RFX3: variants seen among roughly 807,000 people sequenced by gnomAD.
RFX3 encodes the protein transcription factor RFX3.
Under a neutral mutation model 98.6 loss-of-function variants are expected in RFX3, and 14 were observed. The observed-to-expected ratio is 0.14, with a 90% CI of 0.09 to 0.22. RFX3 has a LOEUF of 0.22. RFX3 is among the 10% of genes least tolerant of loss of function. The pLI is 1.00. For synonymous variants in RFX3, 383 were observed against 328.4 expected, an observed-to-expected ratio of 1.17 and a Z score of -1.80; for missense variants, 639 against 926.9, an observed-to-expected ratio of 0.69 and a Z score of 4.03.
chr9:3,421,676 C>G (rs2132353952), intron 1 of RFX3, among the ~76,000 whole-genome samples: 1 of 152,218 alleles, frequency 6.6e-6, no homozygotes, highest in South Asian at 2.1e-4. Context: ...ATGGACAAAT[C>G]AAAGCATGGA....
At chr9:3,414,958 GTA>G (rs1219549238) in intron 1 of RFX3, among the ~76,000 whole-genome samples, 1 of 129,888 alleles carries the variant, frequency 7.7e-6, no homozygotes, top group Non-Finnish European at 1.6e-5. Context: ...ATATGTGTGT[GTA>G]TATATTCATA....
intron 15 of RFX3, among the ~76,000 whole-genome samples, chr9:3,244,322 G>T (rs994528654): frequency 6.6e-6 from 1 of 152,054 alleles, no homozygotes; most frequent in East Asian, 1.9e-4. Context: ...TTCATCATTT[G>T]TAACACAGGT....
chr9:3,261,118 T>A (rs867766188), intron 13 of RFX3, among the ~76,000 whole-genome samples: 40 of 152,022 alleles, frequency 2.6e-4, no homozygotes, highest in African/African-American at 9.2e-4. Context: ...ACAACAGTAA[T>A]GTTTTTTAAC....
intron 2 of RFX3, among the ~76,000 whole-genome samples, chr9:3,347,399 A>T (rs1834566293): frequency 6.6e-6 from 1 of 152,188 alleles, no homozygotes; most frequent in African/African-American, 2.4e-5. Flanking sequence ...TGATTTTTTT[A>T]AATTAAGAAC....
intron 14 of RFX3, among the ~76,000 whole-genome samples, chr9:3,248,938 C>T (rs183657777): frequency 4.4e-4 from 67 of 151,916 alleles, no homozygotes; most frequent in African/African-American, 1.4e-3. Context: ...GGAAATGAGT[C>T]CAAAATAAAA....
Position 3,220,652 on chromosome 9 carries a change from A to C in RFX3, c.*4390T>G, listed in dbSNP as rs1255309407. 6.6e-6 allele frequency: 1 copy of C among 152,092 alleles called. No homozygotes were observed. Among genetic ancestry groups the C allele is most frequent in the African/African-American group, 2.4e-5 (1 of 41,432 alleles). The allele number at this position is 152,092 out of a possible 1,614,324, so 9.4% of individuals were successfully genotyped here. ...TCTCTTCCTACCCCCCCCTTTAAAA[A>C]AACAGCATAATTAGACATTTGGATA... On this transcript the variant is annotated 3_prime_UTR_variant, in exon 17 of 17. Coordinates refer to ENST00000617270, the MANE Select transcript of RFX3 (RefSeq NM_001282116.2).
rs550651565 is a variant in RFX3 at position 3,311,545 on chromosome 9, G to A, written c.475-9925C>T. On this transcript the variant is annotated intron_variant, in intron 4 of 16. Transcript: ENST00000617270. ...CACTAAAATTGCGGTTGTTCAAAATGTGGTCCTGAACCAGCAGTATCAAAA... is the reference window on the plus strand; with the variant it reads ...CACTAAAATTGCGGTTGTTCAAAATATGGTCCTGAACCAGCAGTATCAAAA... Among the ~76,000 whole-genome samples, 11 of 152,270 alleles carry A rather than the reference G, an allele frequency of 7.2e-5. No homozygotes were observed. In the South Asian group the frequency reaches 2.3e-3, roughly 32 times the overall value.
intron 2 of RFX3, among the ~76,000 whole-genome samples, chr9:3,351,146 C>T (rs7870914): frequency 0.071 from 10,760 of 151,820 alleles, 466 homozygotes; most frequent in African/African-American, 0.12. Context: ...AAATGTACCT[C>T]TCTGGTGGGG....
intron 1 of RFX3, among the ~76,000 whole-genome samples, chr9:3,470,908 G>C (rs1848718947): frequency 6.6e-6 from 1 of 152,096 alleles, no homozygotes; most frequent in Admixed American, 6.5e-5. Context: ...ATCTTATTAA[G>C]ATGTTTGGGA....
chr9:3,480,833 T>TAAGAC (rs113238796), intron 1 of RFX3, among the ~76,000 whole-genome samples: 28,202 of 151,870 alleles, frequency 0.19, 4,560 homozygotes, highest in East Asian at 0.57. Context: ...GTAGAATAAA[T>TAAGAC]AAGAGCTTTG....
At chr9:3,442,801 T>G (rs977944450) in intron 1 of RFX3, among the ~76,000 whole-genome samples, 11 of 152,138 alleles carry the variant, frequency 7.2e-5, no homozygotes, top group Non-Finnish European at 1.6e-4. Flanking sequence ...GAAGAAGACA[T>G]AAACATATTT....
intron 2 of RFX3, among the ~76,000 whole-genome samples, chr9:3,392,486 C>A (rs1243971780): frequency 6.8e-6 from 1 of 146,880 alleles, no homozygotes; most frequent in African/African-American, 2.5e-5. Flanking sequence ...AAGGCCTGAA[C>A]AATGAAATTG....
chr9:3,247,860 A>G (rs762438651), intron 15 of RFX3, 172 bp downstream of exon 15: 25 of 1,608,804 alleles, frequency 1.6e-5, no homozygotes, highest in East Asian at 2.2e-5. Context: ...GATTAAGCAC[A>G]TAAGAACAGA....
chr9:3,284,023 C>G (rs1406224738), intron 7 of RFX3, among the ~76,000 whole-genome samples: 1 of 151,700 alleles, frequency 6.6e-6, no homozygotes, highest in Non-Finnish European at 1.5e-5. Context: ...TGATTTCTTC[C>G]TTCCTTCTCT....
chr9:3,502,430 T>C (rs1816127568), intron 1 of RFX3, among the ~76,000 whole-genome samples: 1 of 152,176 alleles, frequency 6.6e-6, no homozygotes, highest in South Asian at 2.1e-4. Flanking sequence ...AGCCACATCA[T>C]ATTATGAATG....
chr9:3,324,179 T>C (rs769611785), intron 4 of RFX3: 1 of 244,634 alleles, frequency 4.1e-6, no homozygotes, highest in Non-Finnish European at 9.7e-6. Context: ...GTGGACAGAG[T>C]CTTTTTTTAA....
chr9:3,320,768 CATATATATATATATATAT>C (rs34990458), intron 4 of RFX3, among the ~76,000 whole-genome samples: 5,134 of 85,922 alleles, frequency 0.06, 398 homozygotes, highest in African/African-American at 0.18. Context: ...TGCTACATAG[CATATATATATATATATAT>C]ATATATATAT....
chr9:3,391,203 A>G (rs796938213), intron 2 of RFX3, among the ~76,000 whole-genome samples: 3 of 152,274 alleles, frequency 2.0e-5, no homozygotes, highest in African/African-American at 7.2e-5. Context: ...CAATTCAAAC[A>G]TTATAGGCAT....
chr9:3,291,216 T>C (rs1205047364), intron 6 of RFX3, among the ~76,000 whole-genome samples: 4 of 151,684 alleles, frequency 2.6e-5, no homozygotes, highest in Admixed American at 6.6e-5. Flanking sequence ...AACACAAAAA[T>C]TATCTGGGCG....
Sources: gnomAD v4.1 joint callset for allele counts (sites outside exome capture counted in the v4.1 genomes callset) on GRCh38, gnomAD v4.1.1 for gene constraint, MANE v1.5 for transcripts, NCBI Gene and HGNC (gene_info 2026-07-23, HGNC 2026-07-21) for gene names.